The following BRINP1 variants were observed in gnomAD, a reference collection of about 807,000 sequenced individuals.
BRINP1 encodes the protein BMP/retinoic acid-inducible neural-specific protein 1.
A neutral mutation model predicts 72.9 loss-of-function variants in BRINP1; 17 were observed. That is an observed-to-expected ratio of 0.23 (90% CI 0.16 to 0.35). The LOEUF is 0.35. Ranked by LOEUF, BRINP1 falls within the 10% of genes least tolerant of loss-of-function variation. The pLI, the probability that BRINP1 is intolerant of heterozygous loss-of-function variation, is 1.00. For synonymous variants in BRINP1, 418 were observed against 378.5 expected, an observed-to-expected ratio of 1.10 and a Z score of -1.21; for missense variants, 850 against 1,001.6, an observed-to-expected ratio of 0.85 and a Z score of 2.04.
At chr9:119,173,018 C>T (rs1028450638) in intron 7 of BRINP1, among the ~76,000 whole-genome samples, 39 of 148,598 alleles carry the variant, frequency 2.6e-4, no homozygotes, top group East Asian at 1.8e-3. Context: ...AACCCACAGC[C>T]GATATCATAC....
chr9:119,208,499 A>G (rs1434869836), intron 7 of BRINP1, among the ~76,000 whole-genome samples: 1 of 152,180 alleles, frequency 6.6e-6, no homozygotes. Flanking sequence ...AGAGGCTGAA[A>G]ATTCATGGTA....
Position 119,283,249 on chromosome 9 carries a change from C to T in BRINP1, c.218+29889G>A, listed in dbSNP as rs370204458. 9.9e-5 allele frequency: 88 copies of T among 890,644 alleles called. 1 individual carries two copies. The African/African-American group carries it at 1.6e-3, about 16-fold the overall frequency. 55.2% of individuals were successfully genotyped at this position (890,644 alleles called of 1,614,324 possible). On this transcript the variant is annotated intron_variant, in intron 2 of 7. Transcript: ENST00000265922. ...TCCCTGGAACTGCAGCTTCAGCTGC[C>T]TCAGCATCACCTGGCAGCTTGTTAG...
At chr9:119,179,000 T>G (rs983918326) in intron 7 of BRINP1, among the ~76,000 whole-genome samples, 1 of 152,250 alleles carries the variant, frequency 6.6e-6, no homozygotes, top group Non-Finnish European at 1.5e-5. Context: ...TCACAGATAA[T>G]TGGGGCTCCC....
At chr9:119,320,615 A>C (rs981540661) in intron 1 of BRINP1, among the ~76,000 whole-genome samples, 3 of 152,184 alleles carry the variant, frequency 2.0e-5, no homozygotes, top group African/African-American at 7.2e-5. Flanking sequence ...CAGGAAAAGC[A>C]TCTCTGATAA....
intron 2 of BRINP1, among the ~76,000 whole-genome samples, chr9:119,305,654 T>C (rs1251912108): frequency 6.6e-6 from 1 of 152,174 alleles, no homozygotes; most frequent in African/African-American, 2.4e-5. Flanking sequence ...TTTCCAAACA[T>C]GCCTCTTCCT....
At position 119,304,787 on chromosome 9, in the gene BRINP1, C is replaced by G. The variant is rs368894424; in HGVS notation, c.218+8351G>C. ...ATTGGTATTTGAGGGTTAATGAAAC[C>G]CTTCTCCGCTGCCTTTGTCTTAGTT... On this transcript the variant is annotated intron_variant, in intron 2 of 7. Coordinates refer to ENST00000265922, the MANE Select transcript of BRINP1 (RefSeq NM_014618.3). Among the ~76,000 whole-genome samples, 18 of 152,268 alleles carry G rather than the reference C, an allele frequency of 1.2e-4. 1 individual carries two copies. The highest frequency in any genetic ancestry group is 4.1e-4 in the African/African-American group (17 of 41,540).
chr9:119,287,482 C>T (rs1384493731), intron 2 of BRINP1, among the ~76,000 whole-genome samples: 2 of 152,190 alleles, frequency 1.3e-5, no homozygotes, highest in Non-Finnish European at 2.9e-5. Flanking sequence ...CACTAGAGTA[C>T]TTATGATAAC....
At chr9:119,267,636 CAATAAATAAATAAATA>C (rs139819911) in intron 2 of BRINP1, among the ~76,000 whole-genome samples, 11 of 145,060 alleles carry the variant, frequency 7.6e-5, no homozygotes, top group African/African-American at 2.8e-4. Context: ...AACTCCATCT[CAATAAATAAATAAATA>C]AATAAATAAA....
At chr9:119,270,329 C>T (rs967909771) in intron 2 of BRINP1, among the ~76,000 whole-genome samples, 2 of 152,266 alleles carry the variant, frequency 1.3e-5, no homozygotes, top group African/African-American at 4.8e-5. Context: ...GACAACCTGA[C>T]TTATGTTTAC....
intron 2 of BRINP1, among the ~76,000 whole-genome samples, chr9:119,278,310 C>T (rs1438756584): frequency 1.3e-5 from 2 of 152,196 alleles, no homozygotes; most frequent in African/African-American, 2.4e-5. Flanking sequence ...GCACTGGCTG[C>T]GTTTGGAGCC....
At chr9:119,344,677 G>T (rs989865165) in intron 1 of BRINP1, among the ~76,000 whole-genome samples, 1 of 152,186 alleles carries the variant, frequency 6.6e-6, no homozygotes, top group South Asian at 2.1e-4. Flanking sequence ...CTGAGGTTAT[G>T]AACCTACCTC....
At chr9:119,302,600 C>T (rs1830949912) in intron 2 of BRINP1, among the ~76,000 whole-genome samples, 1 of 152,032 alleles carries the variant, frequency 6.6e-6, no homozygotes, top group Non-Finnish European at 1.5e-5. Context: ...TTTTATATAA[C>T]ATGTACAGAG....
intron 5 of BRINP1, among the ~76,000 whole-genome samples, chr9:119,232,106 A>G (rs1046417535): frequency 2.2e-4 from 33 of 152,280 alleles, no homozygotes; most frequent in African/African-American, 7.7e-4. Flanking sequence ...CATCATAGCA[A>G]TGTGACAATT....
chr9:119,265,526 G>A (rs1167567310), intron 2 of BRINP1, among the ~76,000 whole-genome samples: 1 of 152,124 alleles, frequency 6.6e-6, no homozygotes, highest in African/African-American at 2.4e-5. Flanking sequence ...GAACCCAGGA[G>A]GCAGAGGTTG....
intron 2 of BRINP1, among the ~76,000 whole-genome samples, chr9:119,303,266 C>T (rs1402332517): frequency 1.4e-5 from 2 of 146,320 alleles, no homozygotes; most frequent in Admixed American, 1.4e-4. Flanking sequence ...TTACCTACAC[C>T]CCCCACCCCC....
chr9:119,241,269 T>C (rs1328209432), intron 4 of BRINP1, among the ~76,000 whole-genome samples: 1 of 152,208 alleles, frequency 6.6e-6, no homozygotes, highest in Non-Finnish European at 1.5e-5. Context: ...CTTTCCACCA[T>C]CTTAGAAGGT....
At chr9:119,279,496 C>T (rs1037730327) in intron 2 of BRINP1, among the ~76,000 whole-genome samples, 5 of 152,216 alleles carry the variant, frequency 3.3e-5, no homozygotes, top group African/African-American at 9.7e-5. Flanking sequence ...ATCTTATTTA[C>T]CTCTGTATCC....
intron 7 of BRINP1, among the ~76,000 whole-genome samples, chr9:119,208,134 C>T (rs1829878173): frequency 6.6e-6 from 1 of 152,110 alleles, no homozygotes; most frequent in African/African-American, 2.4e-5. Flanking sequence ...CCGGTATATC[C>T]AGGACATGGC....
chr9:119,197,715 C>A (rs1829754464), intron 7 of BRINP1, among the ~76,000 whole-genome samples: 1 of 150,932 alleles, frequency 6.6e-6, no homozygotes. Context: ...TTCCACGTTT[C>A]TATTTCCACC....
Sources: allele counts gnomAD v4.1 joint callset (sites outside exome capture counted in the v4.1 genomes callset), GRCh38; gene constraint gnomAD v4.1.1; transcripts MANE v1.5; gene names NCBI Gene and HGNC (gene_info 2026-07-23, HGNC 2026-07-21).